Variants in GALNTL6 observed in about 807,000 individuals in gnomAD.
GALNTL6 encodes polypeptide N-acetylgalactosaminyltransferase-like 6.
Under a neutral mutation model 73.7 loss-of-function variants are expected in GALNTL6, and 46 were observed. The ratio of observed to expected loss-of-function variants is 0.62; its 90% CI spans 0.49 to 0.80. GALNTL6 has a LOEUF of 0.80. Ranked by LOEUF, GALNTL6 falls within the 30% of genes least tolerant of loss-of-function variation. The pLI, the probability that GALNTL6 is intolerant of heterozygous loss-of-function variation, is 0.00. For synonymous variants in GALNTL6, 259 were observed against 263.7 expected (o/e 0.98, Z 0.17); for missense variants, 604 against 755.0 (o/e 0.80, Z 2.34).
intron 2 of GALNTL6, among the ~76,000 whole-genome samples, chr4:171,849,307 A>G (rs2110857497): frequency 6.6e-6 from 1 of 152,332 alleles, no homozygotes; most frequent in East Asian, 1.9e-4. Flanking sequence ...AGGTTGTTGC[A>G]GCAGTCAGAA....
intron 12 of GALNTL6, among the ~76,000 whole-genome samples, chr4:173,027,052 A>G (rs192739911): frequency 3.3e-5 from 5 of 152,262 alleles, no homozygotes; most frequent in East Asian, 3.9e-4. Context: ...CAGTGGTGTG[A>G]TCTTGGCTCC....
At chr4:172,750,024 T>C (rs1238794081) in intron 5 of GALNTL6, among the ~76,000 whole-genome samples, 1 of 152,200 alleles carries the variant, frequency 6.6e-6, no homozygotes, top group African/African-American at 2.4e-5. Context: ...ACTAAATGAT[T>C]TAGTTAGTGT....
At chr4:172,515,473 G>A (rs1264116562) in intron 5 of GALNTL6, among the ~76,000 whole-genome samples, 1 of 152,204 alleles carries the variant, frequency 6.6e-6, no homozygotes, top group Non-Finnish European at 1.5e-5. Flanking sequence ...GAATATTTAG[G>A]CTTCTCTGTG....
intron 3 of GALNTL6, among the ~76,000 whole-genome samples, chr4:172,287,837 G>T (rs957351475): frequency 1.6e-4 from 24 of 152,086 alleles, no homozygotes; most frequent in African/African-American, 5.6e-4. Flanking sequence ...CCTTAGAGTG[G>T]GAATGAGCGC....
chr4:172,856,425 T>C (rs1579571664), intron 7 of GALNTL6, among the ~76,000 whole-genome samples: 1 of 152,336 alleles, frequency 6.6e-6, no homozygotes, highest in East Asian at 1.9e-4. Context: ...TGGGTACTTA[T>C]TTTCCAGCCT....
At chr4:171,911,225 T>C (rs2110962356) in intron 2 of GALNTL6, among the ~76,000 whole-genome samples, 1 of 152,334 alleles carries the variant, frequency 6.6e-6, no homozygotes, top group African/African-American at 2.4e-5. Context: ...ATTGGCACGA[T>C]CCGGGCCCAC....
chr4:172,748,279 T>C (rs1286994665), intron 5 of GALNTL6, among the ~76,000 whole-genome samples: 1 of 152,048 alleles, frequency 6.6e-6, no homozygotes, highest in Non-Finnish European at 1.5e-5. Context: ...CAGGAGGCCA[T>C]TCCATCGCAG....
chr4:171,953,567 A>G (rs926622100), intron 2 of GALNTL6, among the ~76,000 whole-genome samples: 8 of 152,172 alleles, frequency 5.3e-5, no homozygotes, highest in African/African-American at 1.9e-4. Context: ...AAAACTCCTT[A>G]AAGAAAATTA....
chr4:171,956,478 TTTA>T (rs1739053443), intron 2 of GALNTL6, among the ~76,000 whole-genome samples: 1 of 152,158 alleles, frequency 6.6e-6, no homozygotes, highest in Non-Finnish European at 1.5e-5. Flanking sequence ...TGTACACATC[TTTA>T]TCAAGATCAA....
At chr4:172,088,021 A>T (rs1297121709) in intron 2 of GALNTL6, among the ~76,000 whole-genome samples, 1 of 152,200 alleles carries the variant, frequency 6.6e-6, no homozygotes. Context: ...GACTATATGA[A>T]TAATGTTCAC....
chr4:172,143,182 T>A (rs983845075), intron 2 of GALNTL6, among the ~76,000 whole-genome samples: 2 of 152,066 alleles, frequency 1.3e-5, no homozygotes, highest in African/African-American at 2.4e-5. Context: ...CTGTTGTTAC[T>A]ATGTGGCTGG....
At chr4:172,401,711 A>G (rs1744045571) in intron 5 of GALNTL6, among the ~76,000 whole-genome samples, 1 of 152,164 alleles carries the variant, frequency 6.6e-6, no homozygotes, top group Non-Finnish European at 1.5e-5. Context: ...AGAAAGTTGT[A>G]TCATCACATT....
chr4:172,143,768 ATACT>A (rs1733858695), intron 2 of GALNTL6, among the ~76,000 whole-genome samples: 2 of 152,036 alleles, frequency 1.3e-5, no homozygotes, highest in South Asian at 2.1e-4. Context: ...TTTATAGTCA[ATACT>A]TACTTAGATA....
chr4:171,954,920 T>TA (rs1479008388), intron 2 of GALNTL6, among the ~76,000 whole-genome samples: 1 of 152,198 alleles, frequency 6.6e-6, no homozygotes. Context: ...CCTTCTACTA[T>TA]GGTTGTAAGT....
At chr4:172,730,585 C>T (rs1736085019) in intron 5 of GALNTL6, among the ~76,000 whole-genome samples, 1 of 152,168 alleles carries the variant, frequency 6.6e-6, no homozygotes, top group Non-Finnish European at 1.5e-5. Context: ...TTCACTTGAT[C>T]ATGGTGAACG....
At chr4:172,215,343 G>A (rs1035612744) in intron 2 of GALNTL6, among the ~76,000 whole-genome samples, 1 of 152,014 alleles carries the variant, frequency 6.6e-6, no homozygotes, top group Admixed American at 6.6e-5. Flanking sequence ...AATAAAGAGA[G>A]GTTTTGAGGT....
intron 5 of GALNTL6, among the ~76,000 whole-genome samples, chr4:172,364,704 A>C (rs1437599430): frequency 6.6e-6 from 1 of 152,202 alleles, no homozygotes. Context: ...TCAGAACTTT[A>C]AACAAAGAGT....
At chr4:172,562,281 G>A (rs1350900216) in intron 5 of GALNTL6, among the ~76,000 whole-genome samples, 2 of 152,156 alleles carry the variant, frequency 1.3e-5, no homozygotes, top group African/African-American at 2.4e-5. Flanking sequence ...GGGAAGACAA[G>A]CTTTCCTTCT....
intron 5 of GALNTL6, among the ~76,000 whole-genome samples, chr4:172,520,242 A>G (rs1376033070): frequency 6.6e-6 from 1 of 151,924 alleles, no homozygotes; most frequent in Non-Finnish European, 1.5e-5. Context: ...CTCCTGATAC[A>G]TAATCTATTG....
Sources: gnomAD v4.1 joint callset for allele counts (sites outside exome capture counted in the v4.1 genomes callset) on GRCh38, gnomAD v4.1.1 for gene constraint, MANE v1.5 for transcripts, NCBI Gene and HGNC (gene_info 2026-07-23, HGNC 2026-07-21) for gene names.